NTM: variants seen among roughly 807,000 people sequenced by gnomAD.
NTM encodes the protein IgLON family member 2.
Under a neutral mutation model 42.1 loss-of-function variants are expected in NTM, and 13 were observed. The observed-to-expected ratio is 0.31, with a 90% CI of 0.20 to 0.49. The LOEUF (loss-of-function observed/expected upper bound fraction) is 0.49. Ranked by LOEUF, NTM falls within the 20% of genes least tolerant of loss-of-function variation. The pLI is 0.99. For synonymous variants in NTM, 187 were observed against 179.2 expected (o/e 1.04, Z -0.35); for missense variants, 373 against 452.8 (o/e 0.82, Z 1.60).
chr11:131,589,202 T>TGTGTGTGTGTGTGTG, intron 1 of NTM, among the ~76,000 whole-genome samples: 1 of 151,514 alleles, frequency 6.6e-6, no homozygotes, highest in African/African-American at 2.4e-5. Context: ...TGTGTGTGTG[T>TGTGTGTGTGTGTGTG]AGGCTCTGGT....
chr11:132,096,704 A>G (rs187227671), intron 2 of NTM, among the ~76,000 whole-genome samples: 11 of 152,234 alleles, frequency 7.2e-5, no homozygotes, highest in African/African-American at 2.6e-4. Flanking sequence ...TTCTTCCCCC[A>G]GTGTCTCCTC....
At chr11:131,950,949 G>T (rs567580989) in intron 2 of NTM, among the ~76,000 whole-genome samples, 13 of 152,206 alleles carry the variant, frequency 8.5e-5, no homozygotes, top group African/African-American at 3.1e-4. Context: ...TTGAAGTCAG[G>T]AATTATTCTT....
intron 1 of NTM, among the ~76,000 whole-genome samples, chr11:131,778,128 G>A (rs1404008453): frequency 6.6e-6 from 1 of 152,210 alleles, no homozygotes. Context: ...AACCTGGGCT[G>A]TTCAATAATG....
At chr11:131,703,788 T>A (rs1450497521) in intron 1 of NTM, among the ~76,000 whole-genome samples, 1 of 152,126 alleles carries the variant, frequency 6.6e-6, no homozygotes, top group Non-Finnish European at 1.5e-5. Context: ...TAGCCTTGCA[T>A]GAGGGGAAGA....
intron 4 of NTM, among the ~76,000 whole-genome samples, chr11:132,231,372 T>C (rs954616308): frequency 2.0e-5 from 3 of 152,216 alleles, no homozygotes; most frequent in Non-Finnish European, 4.4e-5. Flanking sequence ...TCCAGTGGAT[T>C]TCAAAGCCTC....
chr11:132,058,093 T>C (rs1181016102), intron 2 of NTM, among the ~76,000 whole-genome samples: 2 of 152,230 alleles, frequency 1.3e-5, no homozygotes, highest in Non-Finnish European at 2.9e-5. Context: ...ATTTGAGTTG[T>C]TCTGTCTGTT....
intron 1 of NTM, among the ~76,000 whole-genome samples, chr11:131,724,037 TA>T (rs2078674860): frequency 6.6e-6 from 1 of 152,214 alleles, no homozygotes; most frequent in Non-Finnish European, 1.5e-5. Context: ...TGCATCTTTT[TA>T]AAAAGAGGTT....
chr11:132,066,127 T>A (rs1230450961), intron 2 of NTM, among the ~76,000 whole-genome samples: 4 of 152,202 alleles, frequency 2.6e-5, no homozygotes, highest in Non-Finnish European at 5.9e-5. Context: ...TTTTATCTCT[T>A]TGTCATTATC....
In NTM at chr11:132,021,428, C is replaced by G. The variant is rs147561120; in HGVS notation, c.167+109780C>G. ...CTTTGTTTTGTATGGGTCACAGTTT[C>G]CTCTTTCCTTGCATATCTCATACTT... On this transcript the variant is annotated intron_variant, in intron 2 of 8. Coordinates refer to ENST00000683400, the MANE Select transcript of NTM (RefSeq NM_001352005.2). Among the ~76,000 whole-genome samples, 25 of 152,214 alleles carry G rather than the reference C, an allele frequency of 1.6e-4. No individual in the cohort carries two copies. In the East Asian group the frequency reaches 4.2e-3, roughly 26 times the overall value.
intron 2 of NTM, among the ~76,000 whole-genome samples, chr11:131,930,575 C>G (rs996869860): frequency 6.6e-6 from 1 of 152,122 alleles, no homozygotes; most frequent in Non-Finnish European, 1.5e-5. Flanking sequence ...CACCTGTGTT[C>G]TCTTGGCACA....
intron 1 of NTM, among the ~76,000 whole-genome samples, chr11:131,874,065 A>ATATATATATATATATATCTATC (rs1565659857): frequency 3.3e-5 from 2 of 60,196 alleles, no homozygotes; most frequent in African/African-American, 8.6e-5. Context: ...ATATATATAT[A>ATATATATATATATATATCTATC]TATCAGCAAC....
chr11:131,635,620 GTTAA>G (rs1182364846), intron 1 of NTM, among the ~76,000 whole-genome samples: 2 of 152,014 alleles, frequency 1.3e-5, no homozygotes, highest in African/African-American at 4.8e-5. Context: ...TTGAGCTAAA[GTTAA>G]TTTATTATTG....
chr11:131,815,419 T>C lies in NTM; in HGVS notation c.83-96145T>C, dbSNP rs1210692402. ...AGCTGCTGTCTCCCTAGCTGGGCTG[T>C]GCGCAAAGAGCAGGCACCATCCCTC... is the stretch of plus-strand genomic sequence containing the variant. On this transcript the variant is annotated intron_variant, in intron 1 of 8. Coordinates refer to ENST00000683400, the MANE Select transcript of NTM (RefSeq NM_001352005.2). Among the ~76,000 whole-genome samples the C allele has an allele frequency of 9.2e-5, 14 of 152,230 alleles. No homozygotes were observed. In the East Asian group the frequency reaches 1.9e-3, roughly 21 times the overall value.
At chr11:131,882,608 C>T (rs1215866232) in intron 1 of NTM, among the ~76,000 whole-genome samples, 3 of 152,202 alleles carry the variant, frequency 2.0e-5, no homozygotes, top group South Asian at 2.1e-4. Context: ...GCTCTCTTTA[C>T]ATTCGGAGTA....
intron 1 of NTM, among the ~76,000 whole-genome samples, chr11:131,411,829 C>T (rs142938589): frequency 3.9e-5 from 6 of 152,188 alleles, no homozygotes; most frequent in African/African-American, 1.2e-4. Flanking sequence ...ACTTCTTTCC[C>T]AATTATGTGT....
At chr11:131,561,173 G>A (rs893392658) in intron 1 of NTM, among the ~76,000 whole-genome samples, 2 of 152,154 alleles carry the variant, frequency 1.3e-5, no homozygotes, top group Non-Finnish European at 2.9e-5. Flanking sequence ...TCCATTCACT[G>A]GGCCCCAACA....
chr11:131,711,890 C>A (rs1044167329), intron 1 of NTM, among the ~76,000 whole-genome samples: 3 of 147,524 alleles, frequency 2.0e-5, no homozygotes, highest in Admixed American at 6.9e-5. Flanking sequence ...GACAAAAAAA[C>A]CAAACACCGC....
At chr11:131,410,462 C>T (rs924148203) in intron 1 of NTM, among the ~76,000 whole-genome samples, 22 of 141,042 alleles carry the variant, frequency 1.6e-4, no homozygotes, top group East Asian at 2.1e-4. Flanking sequence ...CACTGCACTC[C>T]AGCCTAGGTG....
intron 1 of NTM, among the ~76,000 whole-genome samples, chr11:131,827,404 C>T (rs898874294): frequency 1.3e-5 from 2 of 152,108 alleles, no homozygotes; most frequent in Non-Finnish European, 2.9e-5. Context: ...GGTTCACACA[C>T]AGTGGGTGAC....
Sources: allele counts gnomAD v4.1 joint callset (sites outside exome capture counted in the v4.1 genomes callset), GRCh38; gene constraint gnomAD v4.1.1; transcripts MANE v1.5; gene names NCBI Gene and HGNC (gene_info 2026-07-23, HGNC 2026-07-21).